BRINP2: variants seen among roughly 807,000 people sequenced by gnomAD.
The protein encoded by BRINP2 is BMP/retinoic acid inducible neural specific 2.
In BRINP2, 21 loss-of-function variants were observed where a neutral mutation model predicts 69.2. The observed-to-expected ratio is 0.30, with a 90% CI of 0.22 to 0.44. The LOEUF (loss-of-function observed/expected upper bound fraction) is 0.44. Ranked by LOEUF, BRINP2 falls within the 20% of genes least tolerant of loss-of-function variation. The pLI, the probability that BRINP2 is intolerant of heterozygous loss-of-function variation, is 1.00. For missense variants in BRINP2, 877 were observed against 986.0 expected (o/e 0.89, Z 1.48); for synonymous variants, 380 against 394.1 (o/e 0.96, Z 0.42).
chr1:177,272,897 G>A (rs898908927), intron 4 of BRINP2, among the ~76,000 whole-genome samples: 15 of 152,268 alleles, frequency 9.9e-5, no homozygotes, highest in South Asian at 8.3e-4. Flanking sequence ...ATGGTGTTTT[G>A]AAATATTACA....
At chr1:177,268,701 C>T (rs1004606419) in intron 4 of BRINP2, among the ~76,000 whole-genome samples, 1 of 152,200 alleles carries the variant, frequency 6.6e-6, no homozygotes, top group Non-Finnish European at 1.5e-5. Context: ...GACACATACA[C>T]TCACCAAGAC....
chr1:177,258,843 G>C (rs1650851591), intron 4 of BRINP2, among the ~76,000 whole-genome samples: 1 of 152,180 alleles, frequency 6.6e-6, no homozygotes, highest in South Asian at 2.1e-4. Flanking sequence ...TGTGTGCTCT[G>C]ACTGGTCCAC....
intron 2 of BRINP2, among the ~76,000 whole-genome samples, chr1:177,250,102 G>T (rs1650533023): frequency 2.6e-5 from 4 of 151,724 alleles, no homozygotes; most frequent in Admixed American, 2.6e-4. Flanking sequence ...TTGAGACAGG[G>T]GTCTTGCTAT....
At chr1:177,181,918 C>G (rs1214112627) in intron 1 of BRINP2, among the ~76,000 whole-genome samples, 1 of 152,240 alleles carries the variant, frequency 6.6e-6, no homozygotes, top group African/African-American at 2.4e-5. Context: ...GATTCTTGCC[C>G]CGGAGGTTGC....
chr1:177,217,582 G>C (rs979843218), intron 1 of BRINP2, among the ~76,000 whole-genome samples: 2 of 151,994 alleles, frequency 1.3e-5, no homozygotes, highest in African/African-American at 4.8e-5. Context: ...TTGTATCCTT[G>C]TATCGGTGTT....
intron 1 of BRINP2, among the ~76,000 whole-genome samples, chr1:177,202,037 G>A (rs201497029): frequency 6.6e-6 from 1 of 152,210 alleles, no homozygotes; most frequent in Non-Finnish European, 1.5e-5. Context: ...CTGTGGGATC[G>A]GTGGTGATAT....
At chr1:177,232,402 T>C (rs1649886177) in intron 2 of BRINP2, among the ~76,000 whole-genome samples, 1 of 152,194 alleles carries the variant, frequency 6.6e-6, no homozygotes, top group African/African-American at 2.4e-5. Flanking sequence ...TGCCATTCTG[T>C]TTCTCTGGGG....
chr1:177,223,827 G>C (rs1052205654), intron 1 of BRINP2, among the ~76,000 whole-genome samples: 4 of 152,048 alleles, frequency 2.6e-5, no homozygotes, highest in African/African-American at 9.7e-5. Context: ...CCAGTTCCAT[G>C]CCAGTCCTGA....
At chr1:177,237,809 G>C (rs1387692494) in intron 2 of BRINP2, among the ~76,000 whole-genome samples, 1 of 152,118 alleles carries the variant, frequency 6.6e-6, no homozygotes, top group East Asian at 1.9e-4. Flanking sequence ...GAGTGAGGTA[G>C]ACTTCATCCG....
chr1:177,230,408 G>A (rs1649831988), intron 2 of BRINP2, among the ~76,000 whole-genome samples: 1 of 152,238 alleles, frequency 6.6e-6, no homozygotes, highest in Non-Finnish European at 1.5e-5. Context: ...TATAGGTTGT[G>A]CTGCTTATAA....
At chr1:177,221,717 C>T (rs1459903442) in intron 1 of BRINP2, among the ~76,000 whole-genome samples, 5 of 152,182 alleles carry the variant, frequency 3.3e-5, no homozygotes, top group African/African-American at 1.2e-4. Context: ...CTCCAGGCTG[C>T]TGAGAACCAC....
At chr1:177,177,423 T>C (rs1648120443) in intron 1 of BRINP2, among the ~76,000 whole-genome samples, 1 of 152,222 alleles carries the variant, frequency 6.6e-6, no homozygotes, top group African/African-American at 2.4e-5. Flanking sequence ...ATTGTCATTA[T>C]TGTCATTCAC....
At chr1:177,233,435 G>C (rs1307916721) in intron 2 of BRINP2, among the ~76,000 whole-genome samples, 1 of 152,206 alleles carries the variant, frequency 6.6e-6, no homozygotes, top group Non-Finnish European at 1.5e-5. Flanking sequence ...AGGCACTTAG[G>C]ATAGTGCTTA....
At chr1:177,189,931 T>C in intron 1 of BRINP2, among the ~76,000 whole-genome samples, 1 of 152,216 alleles carries the variant, frequency 6.6e-6, no homozygotes, top group South Asian at 2.1e-4. Flanking sequence ...ATCATCAGTG[T>C]GCTCTCAGCC....
intron 1 of BRINP2, among the ~76,000 whole-genome samples, chr1:177,221,534 A>G (rs1649532733): frequency 6.6e-6 from 1 of 152,204 alleles, no homozygotes; most frequent in African/African-American, 2.4e-5. Flanking sequence ...CATGAATTTT[A>G]TCACTGGATC....
Position 177,198,601 on chromosome 1 carries a change from A to G in BRINP2, c.-77+26869A>G, listed in dbSNP as rs150149647. Among the ~76,000 whole-genome samples, 663 of 152,322 alleles carry G rather than the reference A, an allele frequency of 4.4e-3. 18 individuals carry two copies. Among genetic ancestry groups the G allele is most frequent in the Admixed American group, 0.033 (500 of 15,302 alleles). On this transcript the variant is annotated intron_variant, in intron 1 of 7. Coordinates refer to ENST00000361539, the MANE Select transcript of BRINP2 (RefSeq NM_021165.4). The stretch of plus-strand genomic sequence containing the variant: ...GGTCCACCTTTTTTAAAAAATGGGC[A>G]AAGGAAAACAGATGAGCATAGAAGA...
intron 1 of BRINP2, among the ~76,000 whole-genome samples, chr1:177,222,969 TG>T (rs1375879651): frequency 1.3e-4 from 20 of 152,270 alleles, no homozygotes; most frequent in African/African-American, 3.4e-4. Context: ...GAGATGAAGT[TG>T]TAAAGGCTTT....
chr1:177,214,107 CT>C (rs1649305032), intron 1 of BRINP2, among the ~76,000 whole-genome samples: 1 of 152,134 alleles, frequency 6.6e-6, no homozygotes, highest in Non-Finnish European at 1.5e-5. Flanking sequence ...AGTCTACAGT[CT>C]CACTTTCTAA....
intron 4 of BRINP2, among the ~76,000 whole-genome samples, chr1:177,259,799 C>T (rs372203684): frequency 1.2e-4 from 18 of 152,098 alleles, no homozygotes; most frequent in African/African-American, 3.9e-4. Flanking sequence ...ATTGTTGAGA[C>T]CTACTACTCA....
Sources: gnomAD v4.1 joint callset for allele counts (sites outside exome capture counted in the v4.1 genomes callset) on GRCh38, gnomAD v4.1.1 for gene constraint, MANE v1.5 for transcripts, NCBI Gene and HGNC (gene_info 2026-07-23, HGNC 2026-07-21) for gene names.